NFAT5: variants seen among roughly 807,000 people sequenced by gnomAD.
NFAT5 encodes nuclear factor of activated T-cells 5.
In NFAT5, 31 loss-of-function variants were observed where a neutral mutation model predicts 166.5. That is an observed-to-expected ratio of 0.19 (90% CI 0.14 to 0.25). The LOEUF (loss-of-function observed/expected upper bound fraction) is 0.25, where lower values mean the gene tolerates loss of function less well. NFAT5 is among the 10% of genes least tolerant of loss of function. NFAT5 has a pLI of 1.00. For missense variants in NFAT5, 1,449 were observed against 1,821.8 expected, an observed-to-expected ratio of 0.80 and a Z score of 3.72; for synonymous variants, 612 against 639.7, an observed-to-expected ratio of 0.96 and a Z score of 0.65.
rs776629307 is a variant in NFAT5, at chr16:69,694,311, C to T, written c.4414+72C>T. The T allele has an allele frequency of 3.1e-4, 364 of 1,185,148 alleles. 3 individuals carry two copies. The Middle Eastern group carries it at 4.3e-3, about 14-fold the overall frequency. The allele number at this position is 1,185,148 out of a possible 1,614,324, so 73.4% of individuals were successfully genotyped here. ...TAGAAGGAAGCAGAGTGCAGTGGTG[C>T]GATCTCAGCTCACTGCACCTGCACC... On this transcript the variant is annotated intron_variant, in intron 13 of 14. Coordinates refer to ENST00000349945, the MANE Select transcript of NFAT5 (RefSeq NM_138713.4).
chr16:69,575,852 A>C (rs1304200467), intron 2 of NFAT5, among the ~76,000 whole-genome samples: 1 of 152,180 alleles, frequency 6.6e-6, no homozygotes, highest in Non-Finnish European at 1.5e-5. Context: ...CCTGCGATGT[A>C]GTACCAGTAT....
chr16:69,695,100 T>C (rs2037714168), intron 13 of NFAT5, 36 bp from the exon 14 acceptor site: 1 of 1,461,162 alleles, frequency 6.8e-7, no homozygotes, highest in South Asian at 1.1e-5. Context: ...CAGACTGTAG[T>C]CAGCTTTTAA....
At chr16:69,618,591 AT>A (rs1293472691) in intron 2 of NFAT5, among the ~76,000 whole-genome samples, 17 of 152,212 alleles carry the variant, frequency 1.1e-4, no homozygotes, top group Non-Finnish European at 1.5e-5. Flanking sequence ...TTGTTTTAGA[AT>A]ATTTAATGTG....
intron 10 of NFAT5, among the ~76,000 whole-genome samples, chr16:69,683,878 T>G (rs1348389357): frequency 1.3e-5 from 2 of 151,932 alleles, no homozygotes; most frequent in African/African-American, 2.4e-5. Flanking sequence ...GTGGGCAGAT[T>G]ACCTGAGGTC....
intron 2 of NFAT5, among the ~76,000 whole-genome samples, chr16:69,621,203 C>T (rs1198707051): frequency 6.6e-6 from 1 of 151,640 alleles, no homozygotes; most frequent in African/African-American, 2.4e-5. Context: ...AGATACCCTG[C>T]TTGTTCTTGT....
intron 2 of NFAT5, among the ~76,000 whole-genome samples, chr16:69,596,193 A>G (rs1210642211): frequency 6.6e-6 from 1 of 152,216 alleles, no homozygotes; most frequent in Non-Finnish European, 1.5e-5. Context: ...CTGACTTAAC[A>G]TGTTATGATA....
At chr16:69,599,335 G>A (rs772385938) in intron 2 of NFAT5, among the ~76,000 whole-genome samples, 10 of 152,170 alleles carry the variant, frequency 6.6e-5, no homozygotes, top group Admixed American at 4.6e-4. Flanking sequence ...CCAGCACTTC[G>A]GGAGGCTGAG....
Position 69,690,972 on chromosome 16 carries a change from G to A in NFAT5, c.1807G>A (p.Val603Ile). Residue 603 changes from valine to isoleucine, a missense_variant, in exon 12 of 15, where the codon GTA (valine) becomes ATA (isoleucine). By Grantham distance (29) the Val-to-Ile change is conservative (BLOSUM62 3). Coordinates refer to ENST00000349945, the MANE Select transcript of NFAT5 (RefSeq NM_138713.4). ...AACTACTGGATGTAATTTAGATAAG[G>A]TAAATATTATCCCTAATGCCCTGAT... ...MKTTGCNLDK[V>I]NIIPNALMTP... 3.1e-6 allele frequency: 5 copies of A among 1,597,598 alleles called. No individual in the cohort carries two copies. Among genetic ancestry groups the A allele is most frequent in the East Asian group, 2.3e-5 (1 of 44,330 alleles).
intron 2 of NFAT5, among the ~76,000 whole-genome samples, chr16:69,577,168 G>T (rs1267323612): frequency 6.6e-6 from 1 of 151,964 alleles, no homozygotes; most frequent in African/African-American, 2.4e-5. Flanking sequence ...ACATTTTGTT[G>T]TTCTGCTATG....
intron 7 of NFAT5, among the ~76,000 whole-genome samples, chr16:69,660,247 T>C (rs1006456450): frequency 3.5e-4 from 53 of 152,042 alleles, no homozygotes; most frequent in African/African-American, 1.3e-3. Context: ...GTAGTGAAAA[T>C]CCTGTCTCTA....
intron 4 of NFAT5, chr16:69,648,117 A>G: frequency 1.8e-6 from 1 of 569,726 alleles, no homozygotes; most frequent in Non-Finnish European, 2.2e-6. Context: ...CAGAGGTTGC[A>G]GTGAGCCGAC....
intron 2 of NFAT5, among the ~76,000 whole-genome samples, chr16:69,607,322 G>A (rs928975364): frequency 2.9e-4 from 44 of 152,232 alleles, no homozygotes; most frequent in African/African-American, 1.1e-3. Flanking sequence ...CAGATGCTTT[G>A]TATAATGGTT....
intron 7 of NFAT5, among the ~76,000 whole-genome samples, chr16:69,664,444 C>G (rs760222345): frequency 1.2e-4 from 18 of 152,114 alleles, no homozygotes; most frequent in Non-Finnish European, 2.4e-4. Context: ...ATTACCACGC[C>G]TGGCTAATTT....
intron 2 of NFAT5, among the ~76,000 whole-genome samples, chr16:69,577,352 GAATA>G (rs1242280746): frequency 1.3e-5 from 2 of 152,004 alleles, no homozygotes; most frequent in Non-Finnish European, 2.9e-5. Flanking sequence ...TTGAGTGAAT[GAATA>G]AATAACACTA....
intron 7 of NFAT5, among the ~76,000 whole-genome samples, chr16:69,665,615 A>G (rs1469033490): frequency 1.1e-5 from 1 of 95,232 alleles, no homozygotes; most frequent in Non-Finnish European, 2.0e-5. Flanking sequence ...CTTACAAGGG[A>G]TGTGAAGGAC....
chr16:69,683,562 A>G (rs1190170338), intron 10 of NFAT5, among the ~76,000 whole-genome samples: 1 of 152,208 alleles, frequency 6.6e-6, no homozygotes, highest in East Asian at 1.9e-4. Context: ...GTATATTCAA[A>G]TAAAATATAT....
At chr16:69,575,943 G>A (rs2016721434) in intron 2 of NFAT5, among the ~76,000 whole-genome samples, 1 of 152,014 alleles carries the variant, frequency 6.6e-6, no homozygotes. Flanking sequence ...GGATGAGGCT[G>A]GAATTTGAAC....
At position 69,623,653 on chromosome 16, in the gene NFAT5, A is replaced by G. The variant is rs529784414; in HGVS notation, c.128-2750A>G. Among the ~76,000 whole-genome samples the G allele has an allele frequency of 1.1e-4, 17 of 152,028 alleles. 1 individual carries two copies. The highest frequency in any genetic ancestry group is 4.1e-4 in the African/African-American group (17 of 41,486). ...CTCCCAAGTAGCTGTGATTACAGGC[A>G]TGCACCACCATGTCCGGCTAATTTT... On this transcript the variant is annotated intron_variant, in intron 2 of 14. Transcript: ENST00000349945.
chr16:69,588,138 A>G (rs1333489457), intron 2 of NFAT5, among the ~76,000 whole-genome samples: 1 of 150,396 alleles, frequency 6.6e-6, no homozygotes, highest in Non-Finnish European at 1.5e-5. Context: ...TTTTTAGTAG[A>G]CACAGGTTTC....
Sources: gnomAD v4.1 joint callset for allele counts (sites outside exome capture counted in the v4.1 genomes callset) on GRCh38, gnomAD v4.1.1 for gene constraint, MANE v1.5 for transcripts, NCBI Gene and HGNC (gene_info 2026-07-23, HGNC 2026-07-21) for gene names.